The following SEPTIN11 variants were observed in gnomAD, a reference collection of about 807,000 sequenced individuals.
The protein encoded by SEPTIN11 is septin-11.
SEPTIN11 carries 25 observed loss-of-function variants against 51.4 expected under a neutral mutation model. That is an observed-to-expected ratio of 0.49 (90% CI 0.35 to 0.68). The LOEUF (loss-of-function observed/expected upper bound fraction) is 0.68. Among genes scored for constraint, SEPTIN11 ranks in the 30% least tolerant of loss-of-function variants. The pLI, the probability that SEPTIN11 is intolerant of heterozygous loss-of-function variation, is 0.00. For missense variants in SEPTIN11, 381 were observed against 520.8 expected, an observed-to-expected ratio of 0.73 and a Z score of 2.61; for synonymous variants, 174 against 184.1, an observed-to-expected ratio of 0.95 and a Z score of 0.44.
chr4:76,975,328 A>G (rs72858646), intron 1 of SEPTIN11, among the ~76,000 whole-genome samples: 2,964 of 152,120 alleles, frequency 0.019, 66 homozygotes, highest in South Asian at 0.068. Context: ...AGCTTGGGGC[A>G]TTTTTGGTTA....
At chr4:77,015,892 G>T (rs1017825427) in intron 5 of SEPTIN11, among the ~76,000 whole-genome samples, 1 of 152,150 alleles carries the variant, frequency 6.6e-6, no homozygotes, top group East Asian at 1.9e-4. Flanking sequence ...GATCACCAAG[G>T]GGTTTTGGTC....
At chr4:77,013,499 A>G (rs569623858) in intron 4 of SEPTIN11, among the ~76,000 whole-genome samples, 1 of 152,298 alleles carries the variant, frequency 6.6e-6, no homozygotes, top group South Asian at 2.1e-4. Context: ...CATTTTGTCT[A>G]TGTTGACATT....
At chr4:77,003,078 G>C (rs531618819) in intron 2 of SEPTIN11, among the ~76,000 whole-genome samples, 1 of 152,270 alleles carries the variant, frequency 6.6e-6, no homozygotes, top group South Asian at 2.1e-4. Flanking sequence ...CTGCCTCATG[G>C]TTTCTGCTTA....
At position 77,034,736 on chromosome 4, in the gene SEPTIN11, C is replaced by T. The variant is rs942423234; in HGVS notation, c.*224C>T. 1.8e-5 allele frequency: 22 copies of T among 1,237,638 alleles called. No individual in the cohort carries two copies. In the African/African-American group the frequency reaches 1.9e-4, roughly 11 times the overall value. 76.7% of individuals were successfully genotyped at this position (1,237,638 alleles called of 1,614,324 possible). A position where few individuals can be genotyped will look rare whatever the true frequency, so the allele number is the denominator to read the frequency against. ...GCTCTGTGCAGCTGGACTCTGTTTCCGGAAAGTAAATGATTTGCTTTTTAT... is the reference window on the plus strand; with the variant it reads ...GCTCTGTGCAGCTGGACTCTGTTTCTGGAAAGTAAATGATTTGCTTTTTAT... On this transcript the variant is annotated 3_prime_UTR_variant, in exon 10 of 10. Transcript: ENST00000264893.
intron 1 of SEPTIN11, among the ~76,000 whole-genome samples, chr4:76,994,355 C>T (rs1179604341): frequency 6.6e-6 from 1 of 152,164 alleles, no homozygotes; most frequent in Non-Finnish European, 1.5e-5. Flanking sequence ...TTTGAGGTAT[C>T]TAAAGAGGAA....
chr4:77,006,603 CT>C (rs1344757106), intron 3 of SEPTIN11, among the ~76,000 whole-genome samples: 1 of 152,196 alleles, frequency 6.6e-6, no homozygotes, highest in African/African-American at 2.4e-5. Flanking sequence ...CCAGAAACAT[CT>C]TTGAGCAGTT....
chr4:76,999,238 A>C (rs1468351500), intron 2 of SEPTIN11, among the ~76,000 whole-genome samples: 1 of 152,182 alleles, frequency 6.6e-6, no homozygotes. Flanking sequence ...ATCCTCAGAG[A>C]GTTGAATATC....
At chr4:77,012,909 CG>C (rs564241239) in intron 4 of SEPTIN11, among the ~76,000 whole-genome samples, 240 of 152,310 alleles carry the variant, frequency 1.6e-3, no homozygotes, top group African/African-American at 5.6e-3. Context: ...GAGTACTCTT[CG>C]CAGAATAAAT....
chr4:76,961,563 A>C (rs1444026457), intron 1 of SEPTIN11, among the ~76,000 whole-genome samples: 1 of 152,218 alleles, frequency 6.6e-6, no homozygotes, highest in African/African-American at 2.4e-5. Context: ...CCTACTGAAC[A>C]TCAGAGCTTA....
chr4:76,998,921 CAT>C (rs1723923366), intron 2 of SEPTIN11, among the ~76,000 whole-genome samples: 1 of 152,128 alleles, frequency 6.6e-6, no homozygotes, highest in African/African-American at 2.4e-5. Context: ...CACTCCAAAA[CAT>C]ACAAGGTTCC....
In SEPTIN11 at chr4:76,966,826, T is replaced by G. The variant is rs1219233293; in HGVS notation, c.27+16896T>G. Among the ~76,000 whole-genome samples the G allele has an allele frequency of 5.9e-5, 9 of 152,278 alleles. 1 individual carries two copies. The South Asian group carries it at 1.9e-3, about 32-fold the overall frequency. ...CTGCAGTGAGCCGAGATTGTGCCAC[T>G]GTACTCCAGCCTGGGAGACAGAGGG... On this transcript the variant is annotated intron_variant, in intron 1 of 9. Transcript: ENST00000264893.
chr4:76,978,104 G>C (rs2109911223), intron 1 of SEPTIN11, among the ~76,000 whole-genome samples: 1 of 152,300 alleles, frequency 6.6e-6, no homozygotes, highest in South Asian at 2.1e-4. Flanking sequence ...TTAGAAGAGT[G>C]TGAGAGAGAG....
Position 77,037,167 on chromosome 4 carries a change from C to T in SEPTIN11, c.*2655C>T, listed in dbSNP as rs1345817064. The stretch of plus-strand genomic sequence containing the variant: ...ACTTGAGGCCTGGAGTTCAAGACCA[C>T]CTTGGCGAACACGGTGAAACCCCGT... On this transcript the variant is annotated 3_prime_UTR_variant, in exon 10 of 10. Transcript: ENST00000264893. The T allele has an allele frequency of 2.8e-6, 2 of 720,512 alleles. No homozygotes were observed. Among genetic ancestry groups the T allele is most frequent in the Non-Finnish European group, 3.4e-6 (2 of 586,252 alleles). The allele number at this position is 720,512 out of a possible 1,614,324, so 44.6% of individuals were successfully genotyped here.
At chr4:76,988,720 G>A (rs777616895) in intron 1 of SEPTIN11, among the ~76,000 whole-genome samples, 1 of 152,198 alleles carries the variant, frequency 6.6e-6, no homozygotes, top group Non-Finnish European at 1.5e-5. Context: ...CAAAAATCTC[G>A]TGGATGACTG....
rs28969609 is a variant in SEPTIN11, at chr4:77,034,590, GTTTTATTTTA to G, written c.*93_*102del. The G allele has an allele frequency of 1.0e-5, 15 of 1,432,626 alleles. No homozygotes were observed. The highest frequency in any genetic ancestry group is 3.8e-4 in the Middle Eastern group (2 of 5,328). The allele number at this position is 1,432,626 out of a possible 1,614,324, so 88.7% of individuals were successfully genotyped here. The stretch of plus-strand genomic sequence containing the variant: ...GTATCTCTGCCATGTGTGTTCTTTA[GTTTTATTTTA>G]TTTTATTTTATTTTTTTACCCTTCC... On this transcript the variant is annotated 3_prime_UTR_variant, in exon 10 of 10. Coordinates refer to ENST00000264893, the MANE Select transcript of SEPTIN11 (RefSeq NM_018243.4).
intron 7 of SEPTIN11, among the ~76,000 whole-genome samples, chr4:77,023,496 C>G (rs935593881): frequency 6.6e-6 from 1 of 151,738 alleles, no homozygotes; most frequent in African/African-American, 2.4e-5. Context: ...CTTCCAACAT[C>G]TCGATAACTG....
chr4:77,028,891 C>A, intron 8 of SEPTIN11, 130 bp downstream of exon 8: 1 of 944,994 alleles, frequency 1.1e-6, no homozygotes, highest in Non-Finnish European at 1.5e-6. Flanking sequence ...GACCTGCCAA[C>A]CTGGCCAGGA....
Position 77,024,395 on chromosome 4 carries a change from A to G in SEPTIN11, c.953+3725A>G, listed in dbSNP as rs1725953627. ...CTTGAAACTCATGCGTCTACCACCCAGAGCACCCATGCTTCCCTGGACCCA... is the reference window on the plus strand; with the variant it reads ...CTTGAAACTCATGCGTCTACCACCCGGAGCACCCATGCTTCCCTGGACCCA... On this transcript the variant is annotated intron_variant, in intron 7 of 9. Coordinates refer to ENST00000264893, the MANE Select transcript of SEPTIN11 (RefSeq NM_018243.4). The surrounding 1 kb of genome is among the most constrained non-coding windows in gnomAD (Gnocchi z 4.2). 6.6e-6 allele frequency among the ~76,000 whole-genome samples: 1 copy of G among 151,990 alleles called. No individual in the cohort carries two copies. Among genetic ancestry groups the G allele is most frequent in the Non-Finnish European group, 1.5e-5 (1 of 67,998 alleles).
chr4:77,019,427 AAAAGT>A (rs1342140855), intron 6 of SEPTIN11, among the ~76,000 whole-genome samples, 166 bp downstream of exon 6: 1 of 152,198 alleles, frequency 6.6e-6, no homozygotes, highest in Non-Finnish European at 1.5e-5. Flanking sequence ...GGAAGAAAGA[AAAAGT>A]AATCAGCTAG....
Sources: allele counts gnomAD v4.1 joint callset (sites outside exome capture counted in the v4.1 genomes callset), GRCh38; gene constraint gnomAD v4.1.1; non-coding constraint Gnocchi (gnomAD v3.1); transcripts MANE v1.5; gene names NCBI Gene and HGNC (gene_info 2026-07-23, HGNC 2026-07-21).